IL1R1: variants seen among roughly 807,000 people sequenced by gnomAD.
IL1R1 encodes the protein interleukin-1 receptor type 1.
In IL1R1, 22 loss-of-function variants were observed where a neutral mutation model predicts 50.2. That is an observed-to-expected ratio of 0.44 (90% CI 0.31 to 0.63). The LOEUF (loss-of-function observed/expected upper bound fraction) is 0.63. Among genes scored for constraint, IL1R1 ranks in the 20% least tolerant of loss-of-function variants. The pLI is 0.07. For missense variants in IL1R1, 509 were observed against 676.2 expected, an observed-to-expected ratio of 0.75 and a Z score of 2.74; for synonymous variants, 251 against 236.7, an observed-to-expected ratio of 1.06 and a Z score of -0.55.
intron 10 of IL1R1, among the ~76,000 whole-genome samples, chr2:102,175,167 A>G (rs1686017631): frequency 6.6e-6 from 1 of 151,932 alleles, no homozygotes; most frequent in Admixed American, 6.6e-5. Flanking sequence ...AAATGAATGG[A>G]TAGAATTCAG....
intron 1 of IL1R1, among the ~76,000 whole-genome samples, chr2:102,105,455 C>T (rs761168742): frequency 1.3e-5 from 2 of 152,174 alleles, no homozygotes; most frequent in African/African-American, 2.4e-5. Flanking sequence ...ACCTCCGCCT[C>T]CCAGGTTCAA....
At chr2:102,078,138 A>G (rs1442499159) in intron 1 of IL1R1, among the ~76,000 whole-genome samples, 1 of 152,118 alleles carries the variant, frequency 6.6e-6, no homozygotes, top group Non-Finnish European at 1.5e-5. Flanking sequence ...ATGACTTATC[A>G]TTCCACTCTA....
Position 102,157,790 on chromosome 2 carries a change from G to A in IL1R1, c.61+5G>A. 2.5e-6 allele frequency: 4 copies of A among 1,579,498 alleles called. No homozygotes were observed. The highest frequency in any genetic ancestry group is 3.5e-6 in the Non-Finnish European group (4 of 1,149,446). On this transcript the variant is annotated splice_donor_5th_base_variant and intron_variant, in intron 3 of 11. Coordinates refer to ENST00000410023, the MANE Select transcript of IL1R1 (RefSeq NM_000877.4). Reference sequence around the variant, plus strand: ...TGATTTCTTCTCTGGAGGCTGGTAAGTTAAGTATTTCTTTGTGTTCTTGTC... The same window carrying A: ...TGATTTCTTCTCTGGAGGCTGGTAAATTAAGTATTTCTTTGTGTTCTTGTC...
At chr2:102,135,657 C>T (rs17026654) in intron 1 of IL1R1, among the ~76,000 whole-genome samples, 53,622 of 151,984 alleles carry the variant, frequency 0.35, 11,337 homozygotes, top group East Asian at 0.49. Context: ...GGATTTAAAA[C>T]GACCAGATTG....
chr2:102,118,959 G>A (rs746399994), intron 1 of IL1R1, among the ~76,000 whole-genome samples: 43 of 149,568 alleles, frequency 2.9e-4, no homozygotes, highest in Non-Finnish European at 4.0e-4. Context: ...CAGAGCTTGC[G>A]GTGAGCCGAG....
Position 102,176,745 on chromosome 2 carries a change from G to T in IL1R1, c.1696G>T (p.Val566Leu). 6.2e-7 allele frequency: 1 copy of T among 1,613,806 alleles called. No homozygotes were observed. Among genetic ancestry groups the T allele is most frequent in the Middle Eastern group, 1.7e-4 (1 of 6,058 alleles). ...GGAGAAACTGCAAAGAGAGGCTCACGTGCCTCTCGGGTAGCATGGAGAAGT... is the reference window on the plus strand; with the variant it reads ...GGAGAAACTGCAAAGAGAGGCTCACTTGCCTCTCGGGTAGCATGGAGAAGT... The part of the protein sequence containing the change: ...TKEKLQREAH[V>L]PLG The change falls in exon 12 of 12, where the codon GTG becomes TTG. Residue 566 changes from valine (V) to leucine (L), a missense_variant. Transcript: ENST00000410023.
chr2:102,115,235 G>A (rs186392905), intron 1 of IL1R1, among the ~76,000 whole-genome samples: 41 of 152,234 alleles, frequency 2.7e-4, no homozygotes, highest in African/African-American at 9.4e-4. Context: ...GACAGTTGCC[G>A]AGTCAGTAAA....
intron 1 of IL1R1, among the ~76,000 whole-genome samples, chr2:102,146,713 TG>T (rs988111441): frequency 6.6e-6 from 1 of 152,166 alleles, no homozygotes; most frequent in African/African-American, 2.4e-5. Context: ...AGAAGGGAGT[TG>T]GGGGGCTAGG....
chr2:102,175,325 A>G (rs1391029510), intron 10 of IL1R1, among the ~76,000 whole-genome samples, 153 bp from the exon 11 acceptor site: 1 of 152,178 alleles, frequency 6.6e-6, no homozygotes, highest in Non-Finnish European at 1.5e-5. Context: ...AACACTTTTT[A>G]AAGGGATTAT....
chr2:102,143,258 A>AG (rs755230320), intron 1 of IL1R1, among the ~76,000 whole-genome samples: 27 of 152,108 alleles, frequency 1.8e-4, no homozygotes, highest in Non-Finnish European at 3.1e-4. Flanking sequence ...GTTGTTCTGG[A>AG]GGGGGGTTCT....
At position 102,165,019 on chromosome 2, in the gene IL1R1, A is replaced by C. The variant is rs1419620062; in HGVS notation, c.296+11A>C. ...CTATTGCGTGGTAAGGTAAGAGAGG[A>C]ATTAGTATGTTACAAACATGTTCTA... On this transcript the variant is annotated intron_variant, in intron 4 of 11. Transcript: ENST00000410023. 6.2e-7 allele frequency: 1 copy of C among 1,605,006 alleles called. No homozygotes were observed. The highest frequency in any genetic ancestry group is 1.3e-5 in the African/African-American group (1 of 74,650).
chr2:102,138,365 A>G (rs964764465), upstream of IL1R1, among the ~76,000 whole-genome samples: 1 of 152,230 alleles, frequency 6.6e-6, no homozygotes, highest in African/African-American at 2.4e-5. Context: ...TTCAAGCTGC[A>G]ATTAGCACAA....
At chr2:102,129,304 A>G (rs1189463455) in intron 1 of IL1R1, among the ~76,000 whole-genome samples, 1 of 152,260 alleles carries the variant, frequency 6.6e-6, no homozygotes, top group Middle Eastern at 3.4e-3. Flanking sequence ...CAAAACCAAA[A>G]CAAGAACTCC....
chr2:102,115,190 G>A (rs1577879731), intron 1 of IL1R1, among the ~76,000 whole-genome samples: 1 of 152,308 alleles, frequency 6.6e-6, no homozygotes, highest in African/African-American at 2.4e-5. Flanking sequence ...TGCAGTTAGT[G>A]TAATGTGGGT....
At position 102,083,900 on chromosome 2, in the gene IL1R1, C is replaced by T. The variant is rs537255519; in HGVS notation, c.-84+13367C>T. 9.2e-5 allele frequency among the ~76,000 whole-genome samples: 14 copies of T among 151,700 alleles called. No individual in the cohort carries two copies. In the East Asian group the frequency reaches 2.3e-3, roughly 25 times the overall value. Reference sequence around the variant, plus strand: ...CAGAGGTTGCAGTGAGCCGAGATCACGCCACTGCACTCCAGCTTAAGCGAC... The same window carrying T: ...CAGAGGTTGCAGTGAGCCGAGATCATGCCACTGCACTCCAGCTTAAGCGAC... On this transcript the variant is annotated intron_variant, in intron 1 of 11. Transcript: ENST00000409929.
At chr2:102,148,150 T>G (rs983295412) in intron 1 of IL1R1, among the ~76,000 whole-genome samples, 5 of 152,182 alleles carry the variant, frequency 3.3e-5, no homozygotes, top group Non-Finnish European at 7.3e-5. Flanking sequence ...TGTGTGCACA[T>G]GATAGAGCGT....
chr2:102,075,583 C>A (rs1353394515), intron 1 of IL1R1, among the ~76,000 whole-genome samples: 2 of 152,144 alleles, frequency 1.3e-5, no homozygotes, highest in African/African-American at 2.4e-5. Context: ...ATTTTGAGTT[C>A]TTGATCTCAG....
At chr2:102,106,663 A>T (rs1023334882) in intron 1 of IL1R1, among the ~76,000 whole-genome samples, 2 of 152,242 alleles carry the variant, frequency 1.3e-5, no homozygotes, top group Non-Finnish European at 2.9e-5. Context: ...TGTGAGGTAA[A>T]CACTGTTAAC....
At chr2:102,108,594 G>C (rs574104461) in intron 1 of IL1R1, among the ~76,000 whole-genome samples, 1 of 151,982 alleles carries the variant, frequency 6.6e-6, no homozygotes, top group African/African-American at 2.4e-5. Flanking sequence ...TATTTACCCA[G>C]TTCTGTGGAG....
Sources: gnomAD v4.1 joint callset for allele counts (sites outside exome capture counted in the v4.1 genomes callset) on GRCh38, gnomAD v4.1.1 for gene constraint, MANE v1.5 for transcripts, NCBI Gene and HGNC (gene_info 2026-07-23, HGNC 2026-07-21) for gene names.